The following VIPAS39 variants were observed in gnomAD, a reference collection of about 807,000 sequenced individuals.
The protein encoded by VIPAS39 is VPS33B interacting protein, apical-basolateral polarity regulator, spe-39 homolog.
Under a neutral mutation model 84.7 loss-of-function variants are expected in VIPAS39, and 63 were observed. The ratio of observed to expected loss-of-function variants is 0.74; its 90% CI spans 0.61 to 0.92. The LOEUF (loss-of-function observed/expected upper bound fraction) is 0.92. VIPAS39 is among the 40% of genes least tolerant of loss of function. The pLI is 0.00. For synonymous variants in VIPAS39, 192 were observed against 216.5 expected (o/e 0.89, Z 0.99); for missense variants, 499 against 604.5 (o/e 0.83, Z 1.83).
At chr14:77,434,400 C>A in intron 14 of VIPAS39, 97 bp from the exon 15 acceptor site, 1 of 1,082,176 alleles carries the variant, frequency 9.2e-7, no homozygotes. Context: ...CTTTCTACAT[C>A]TTACTCTGCT....
chr14:77,443,325 G>A (rs1218458323), intron 8 of VIPAS39, among the ~76,000 whole-genome samples, 173 bp from the exon 9 acceptor site: 1 of 152,180 alleles, frequency 6.6e-6, no homozygotes, highest in African/African-American at 2.4e-5. Context: ...TGTCTTGAGA[G>A]TCCACACACC....
chr14:77,442,562 G>C lies in VIPAS39; in HGVS notation c.732C>G (p.Phe244Leu), dbSNP rs1309606601. Residue 244 changes from phenylalanine (F) to leucine (L), a missense_variant and splice_region_variant, in exon 10 of 20, where the codon TTC becomes TTG. Physicochemically the swap from Phe to Leu is conservative, Grantham distance 22. Coordinates refer to ENST00000557658, the MANE Select transcript of VIPAS39 (RefSeq NM_001193315.2). The part of the protein sequence containing the change: ...IGDQKLLLDL[F>L]RFLDRTEELA... Reference sequence around the variant, plus strand: ...TAGACCAGATGATCAGTTCTTACCTGAAGAGGTCTAAAAGCAACTTTTGAT... The same window carrying C: ...TAGACCAGATGATCAGTTCTTACCTCAAGAGGTCTAAAAGCAACTTTTGAT... The C allele has an allele frequency of 2.5e-6, 4 of 1,613,202 alleles. No homozygotes were observed. The Admixed American group carries it at 6.7e-5, about 27-fold the overall frequency.
rs1162800084 is a variant in VIPAS39, at chr14:77,429,011, T to C, written c.1351A>G (p.Ile451Val). 2 of 1,613,866 alleles carry C rather than the reference T, an allele frequency of 1.2e-6. No homozygotes were observed. Among genetic ancestry groups the C allele is most frequent in the Non-Finnish European group, 1.7e-6 (2 of 1,179,798 alleles). ...ATKFKCHDVVIDTYRDLKDRQ... is the reference protein window; with the variant it reads ...ATKFKCHDVVVDTYRDLKDRQ... Reference sequence around the variant, plus strand: ...CCCATTTCTTGGGGACTCACATCAATGACGACATCATGGCACTTGAACTTA... The same window carrying C: ...CCCATTTCTTGGGGACTCACATCAACGACGACATCATGGCACTTGAACTTA... Residue 451 changes from isoleucine to valine, a missense_variant, in exon 18 of 20, where the codon ATT becomes GTT. Ile to Val is a conservative substitution (Grantham distance 29). Coordinates refer to ENST00000557658, the MANE Select transcript of VIPAS39 (RefSeq NM_001193315.2).
chr14:77,449,355 G>A lies in VIPAS39; in HGVS notation c.385C>T (p.Leu129=). Residue 129 remains leucine (L), a splice_region_variant and synonymous_variant, in exon 6 of 20, where the codon CTG becomes TTG. Transcript: ENST00000557658. Reference sequence around the variant, plus strand: ...TAGCTTTTGGCAGGTGTGTCTGACAGAGCTGAAAAAGAATAAGCAGCTGGT... The same window carrying A: ...TAGCTTTTGGCAGGTGTGTCTGACAAAGCTGAAAAAGAATAAGCAGCTGGT... ...PGSFQSLSDA[L]SDTPAKSYAP... The A allele has an allele frequency of 6.2e-7, 1 of 1,614,190 alleles. No homozygotes were observed. The highest frequency in any genetic ancestry group is 1.3e-5 in the African/African-American group (1 of 75,052).
At chr14:77,454,192 C>G (rs2139901186) in intron 1 of VIPAS39, 90 bp from the exon 2 acceptor site, 1 of 1,189,006 alleles carries the variant, frequency 8.4e-7, no homozygotes. Flanking sequence ...ACTAACTGAT[C>G]CCAAAAATCA....
In VIPAS39 at chr14:77,454,075, C is replaced by A. The variant is rs1432978551; in HGVS notation, c.28G>T (p.Glu10Ter). MNRTKGDEE[E>*]YWNSSKFKAF... ...TTGAACTTGGAGCTGTTCCAATACTCCTCCTCATCACCCTTTGTCCGATTC... is the reference window on the plus strand; with the variant it reads ...TTGAACTTGGAGCTGTTCCAATACTACTCCTCATCACCCTTTGTCCGATTC... Residue 10 changes from glutamate (E) to a stop codon, truncating the protein, a stop_gained, in exon 2 of 20, where the codon GAG becomes TAG. Coordinates refer to ENST00000557658, the MANE Select transcript of VIPAS39 (RefSeq NM_001193315.2). LOFTEE classifies it high-confidence loss of function. The A allele has an allele frequency of 6.2e-7, 1 of 1,614,192 alleles. No individual in the cohort carries two copies.
chr14:77,447,435 C>T (rs568847202), intron 7 of VIPAS39, among the ~76,000 whole-genome samples: 9 of 152,156 alleles, frequency 5.9e-5, no homozygotes, highest in African/African-American at 2.2e-4. Flanking sequence ...ACCTTGGCCT[C>T]CCCAAGTTCT....
chr14:77,435,528 A>G, intron 13 of VIPAS39, 135 bp from the exon 14 acceptor site: 2 of 1,220,512 alleles, frequency 1.6e-6, no homozygotes, highest in Non-Finnish European at 2.3e-6. Flanking sequence ...AAAGAAAGAA[A>G]TTGCCTAGGA....
At chr14:77,451,761 G>A (rs1485809427) in intron 3 of VIPAS39, among the ~76,000 whole-genome samples, 1 of 152,056 alleles carries the variant, frequency 6.6e-6, no homozygotes, top group South Asian at 2.1e-4. Context: ...GCTTTGCTAA[G>A]AGTACTACAA....
chr14:77,446,420 C>T (rs1248018408), intron 7 of VIPAS39, among the ~76,000 whole-genome samples: 10 of 152,146 alleles, frequency 6.6e-5, no homozygotes, highest in Admixed American at 3.3e-4. Flanking sequence ...CTTCCTGCCT[C>T]AGCCTCCTGA....
At chr14:77,436,684 C>T (rs2078616846) in intron 12 of VIPAS39, among the ~76,000 whole-genome samples, 1 of 152,124 alleles carries the variant, frequency 6.6e-6, no homozygotes, top group Non-Finnish European at 1.5e-5. Context: ...ACCTCGTGAT[C>T]CACCTGCCTC....
intron 13 of VIPAS39, among the ~76,000 whole-genome samples, chr14:77,435,608 G>A (rs1372032015): frequency 1.3e-5 from 2 of 152,086 alleles, no homozygotes; most frequent in East Asian, 3.9e-4. Context: ...AATAGAAGTG[G>A]GGAGGACATG....
chr14:77,456,074 C>A (rs1409607412), intron 1 of VIPAS39, among the ~76,000 whole-genome samples: 1 of 152,166 alleles, frequency 6.6e-6, no homozygotes, highest in East Asian at 1.9e-4. Context: ...CAGGGAACAT[C>A]TATAAAAGTG....
At chr14:77,436,408 G>A (rs1380018919) in intron 12 of VIPAS39, among the ~76,000 whole-genome samples, 3 of 152,144 alleles carry the variant, frequency 2.0e-5, no homozygotes, top group Admixed American at 6.5e-5. Context: ...TATCACAAAT[G>A]TCAAGGGTCC....
chr14:77,430,741 G>A (rs2078509547), intron 16 of VIPAS39, among the ~76,000 whole-genome samples: 1 of 151,388 alleles, frequency 6.6e-6, no homozygotes, highest in African/African-American at 2.4e-5. Flanking sequence ...AAAAAAAAGG[G>A]GGGGTAGGGG....
In VIPAS39 at chr14:77,429,785, G is replaced by A. The variant is rs1275234231; in HGVS notation, c.1180-18C>T. On this transcript the variant is annotated intron_variant, in intron 16 of 19. Coordinates refer to ENST00000557658, the MANE Select transcript of VIPAS39 (RefSeq NM_001193315.2). ...AGCCAGTTCTGAAAGAGGAAGATGG[G>A]GTAGCGGCAGGTAGGCCAGGCACAC... is the stretch of plus-strand genomic sequence containing the variant. 1.9e-6 allele frequency: 3 copies of A among 1,606,286 alleles called. No individual in the cohort carries two copies. The highest frequency in any genetic ancestry group is 2.7e-5 in the African/African-American group (2 of 74,766).
At chr14:77,440,703 G>A (rs2078688024) in intron 11 of VIPAS39, among the ~76,000 whole-genome samples, 1 of 152,014 alleles carries the variant, frequency 6.6e-6, no homozygotes, top group Admixed American at 6.6e-5. Flanking sequence ...TGGGATCTTG[G>A]AGGCGGGGGT....
intron 14 of VIPAS39, among the ~76,000 whole-genome samples, chr14:77,434,854 G>T (rs12879316): frequency 0.44 from 65,904 of 150,514 alleles, 16,744 homozygotes; most frequent in East Asian, 0.93. Flanking sequence ...AGCCAAGATC[G>T]CACCACTGCA....
rs755634666 is a variant in VIPAS39 at position 77,427,202 on chromosome 14, T to C, written c.*414A>G. On this transcript the variant is annotated 3_prime_UTR_variant, in exon 20 of 20. Transcript: ENST00000557658. ...CCATTTTGGTTCTGTTCTGACTTCA[T>C]TCAGAGCAGAACTGCCAATGTCCAG... The C allele has an allele frequency of 1.0e-4, 24 of 230,354 alleles. No individual in the cohort carries two copies. The highest frequency in any genetic ancestry group is 1.9e-4 in the Non-Finnish European group (22 of 115,628). 14.3% of individuals were successfully genotyped at this position (230,354 alleles called of 1,614,324 possible). A position where few individuals can be genotyped will look rare whatever the true frequency, so the allele number is the denominator to read the frequency against.
Sources: gnomAD v4.1 joint callset for allele counts (sites outside exome capture counted in the v4.1 genomes callset) on GRCh38, gnomAD v4.1.1 for gene constraint, MANE v1.5 for transcripts, NCBI Gene and HGNC (gene_info 2026-07-23, HGNC 2026-07-21) for gene names.